The following OTUD7A variants were observed in gnomAD, a reference collection of about 807,000 sequenced individuals.
OTUD7A encodes the protein OTU domain-containing protein 7A.
A neutral mutation model predicts 65.7 loss-of-function variants in OTUD7A; 12 were observed. That is an observed-to-expected ratio of 0.18 (90% CI 0.12 to 0.30). The LOEUF is 0.30. Among genes scored for constraint, OTUD7A ranks in the 10% least tolerant of loss-of-function variants. OTUD7A has a pLI of 1.00. For missense variants in OTUD7A, 1,148 were observed against 1,304.8 expected, an observed-to-expected ratio of 0.88 and a Z score of 1.85; for synonymous variants, 641 against 586.3, an observed-to-expected ratio of 1.09 and a Z score of -1.35.
At chr15:31,842,276 G>A (rs1037438902) in intron 1 of OTUD7A, among the ~76,000 whole-genome samples, 4 of 152,240 alleles carry the variant, frequency 2.6e-5, no homozygotes, top group Admixed American at 6.5e-5. Flanking sequence ...TCCTGATCTA[G>A]GTGTGGATTA....
intron 1 of OTUD7A, among the ~76,000 whole-genome samples, chr15:31,746,169 G>A (rs939350429): frequency 3.9e-5 from 6 of 152,120 alleles, no homozygotes; most frequent in African/African-American, 1.4e-4. Context: ...TATTATCCTG[G>A]GGTTTCCCCA....
At chr15:31,747,238 T>A (rs570967335) in intron 1 of OTUD7A, among the ~76,000 whole-genome samples, 1 of 152,328 alleles carries the variant, frequency 6.6e-6, no homozygotes, top group African/African-American at 2.4e-5. Flanking sequence ...ATATAAGTTC[T>A]CATTTTTGAT....
chr15:31,846,658 C>T (rs1897299615), intron 1 of OTUD7A, among the ~76,000 whole-genome samples: 1 of 152,130 alleles, frequency 6.6e-6, no homozygotes, highest in African/African-American at 2.4e-5. Context: ...TCAACAACCA[C>T]CGCACATTCA....
At chr15:31,640,715 C>T (rs1184082534) in intron 3 of OTUD7A, among the ~76,000 whole-genome samples, 2 of 148,878 alleles carry the variant, frequency 1.3e-5, no homozygotes, top group Admixed American at 1.3e-4. Context: ...ATTAAAAAAA[C>T]TACTTTATTG....
chr15:31,504,367 G>A (rs1177394794), intron 8 of OTUD7A, among the ~76,000 whole-genome samples: 1 of 152,150 alleles, frequency 6.6e-6, no homozygotes, highest in African/African-American at 2.4e-5. Flanking sequence ...GAGGGGATGC[G>A]ATGTGAATGT....
chr15:31,726,652 C>T (rs1893897779), intron 1 of OTUD7A, among the ~76,000 whole-genome samples: 1 of 152,174 alleles, frequency 6.6e-6, no homozygotes, highest in Non-Finnish European at 1.5e-5. Flanking sequence ...AAGAAATATG[C>T]CCTTGAGAAC....
intron 1 of OTUD7A, among the ~76,000 whole-genome samples, chr15:31,808,129 ACACAC>A (rs1567034231): frequency 2.6e-5 from 3 of 114,808 alleles, no homozygotes; most frequent in Non-Finnish European, 4.0e-5. Flanking sequence ...ACACACACAC[ACACAC>A]ACAAACAAAT....
At chr15:31,751,641 C>A (rs1425490766) in intron 1 of OTUD7A, among the ~76,000 whole-genome samples, 1 of 152,086 alleles carries the variant, frequency 6.6e-6, no homozygotes, top group African/African-American at 2.4e-5. Context: ...CTATTCACAG[C>A]AACAAAGACA....
intron 1 of OTUD7A, among the ~76,000 whole-genome samples, chr15:31,741,500 G>T (rs1894343680): frequency 6.6e-6 from 1 of 152,036 alleles, no homozygotes; most frequent in East Asian, 1.9e-4. Flanking sequence ...TATACACATA[G>T]ATATTTAATA....
At chr15:31,620,286 T>C (rs1056121672) in intron 3 of OTUD7A, among the ~76,000 whole-genome samples, 4 of 152,200 alleles carry the variant, frequency 2.6e-5, no homozygotes, top group African/African-American at 4.8e-5. Flanking sequence ...CCTCATAAAA[T>C]GAGTTAGGAA....
intron 3 of OTUD7A, among the ~76,000 whole-genome samples, chr15:31,587,374 A>G (rs1023404436): frequency 4.6e-5 from 7 of 152,044 alleles, no homozygotes; most frequent in African/African-American, 1.7e-4. Flanking sequence ...GCGGTGGCTC[A>G]CGCCTGTAAT....
intron 3 of OTUD7A, among the ~76,000 whole-genome samples, chr15:31,623,206 G>C (rs577005246): frequency 6.6e-6 from 1 of 152,334 alleles, no homozygotes; most frequent in South Asian, 2.1e-4. Context: ...AGGCTACTCA[G>C]AGGTCAGGGA....
intron 1 of OTUD7A, chr15:31,767,302 A>C: frequency 1.2e-6 from 1 of 810,872 alleles, no homozygotes; most frequent in African/African-American, 1.7e-5. Flanking sequence ...AAAAATGAAG[A>C]TGCAACCAAA....
intron 1 of OTUD7A, among the ~76,000 whole-genome samples, chr15:31,681,595 C>G (rs1403944702): frequency 6.1e-5 from 9 of 146,622 alleles, no homozygotes; most frequent in African/African-American, 2.3e-4. Context: ...ATATATCCCC[C>G]TCCCTCCTTT....
chr15:31,561,896 G>A (rs1888703872), intron 4 of OTUD7A, among the ~76,000 whole-genome samples: 1 of 152,080 alleles, frequency 6.6e-6, no homozygotes, highest in Non-Finnish European at 1.5e-5. Flanking sequence ...TCAAAGTTAT[G>A]TCTCAGAAAA....
Position 31,585,278 on chromosome 15 carries a change from A to G in OTUD7A, c.152-15081T>C, listed in dbSNP as rs925093392. 5.3e-5 allele frequency among the ~76,000 whole-genome samples: 8 copies of G among 152,248 alleles called. 1 individual carries two copies. The highest frequency in any genetic ancestry group is 5.2e-4 in the Admixed American group (8 of 15,290). ...GGAACAGCCTGGAATGGCACTTCCC[A>G]GAACTGCTTTCCAGACAAGCTCTAG... On this transcript the variant is annotated intron_variant, in intron 3 of 12. Coordinates refer to ENST00000307050, the MANE Select transcript of OTUD7A (RefSeq NM_001382637.1).
chr15:31,713,640 C>T (rs534333165), intron 1 of OTUD7A, among the ~76,000 whole-genome samples: 92 of 149,784 alleles, frequency 6.1e-4, no homozygotes, highest in Admixed American at 4.2e-3. Flanking sequence ...CAATAAAAAA[C>T]CCTAACAGAT....
intron 1 of OTUD7A, among the ~76,000 whole-genome samples, chr15:31,744,534 C>T (rs952969189): frequency 1.3e-5 from 2 of 151,982 alleles, no homozygotes; most frequent in African/African-American, 4.8e-5. Context: ...AATCCTGCAA[C>T]CTTGAAATAA....
At chr15:31,536,421 T>C (rs748178559) in intron 5 of OTUD7A, among the ~76,000 whole-genome samples, 10 of 152,218 alleles carry the variant, frequency 6.6e-5, no homozygotes, top group Non-Finnish European at 8.8e-5. Context: ...GAGGATGAAA[T>C]ATAACATGCA....
Sources: gnomAD v4.1 joint callset for allele counts (sites outside exome capture counted in the v4.1 genomes callset) on GRCh38, gnomAD v4.1.1 for gene constraint, MANE v1.5 for transcripts, NCBI Gene and HGNC (gene_info 2026-07-23, HGNC 2026-07-21) for gene names.